The following C8orf34 variants were observed in gnomAD, a reference collection of about 807,000 sequenced individuals.
The protein encoded by C8orf34 is uncharacterized protein C8orf34.
Under a neutral mutation model 68.3 loss-of-function variants are expected in C8orf34, and 65 were observed. That is an observed-to-expected ratio of 0.95 (90% CI 0.78 to 1.17). The LOEUF is 1.17. Among genes scored for constraint, C8orf34 ranks in the 50% most tolerant of loss-of-function variants. C8orf34 has a pLI of 0.00. For missense variants in C8orf34, 664 were observed against 655.4 expected, an observed-to-expected ratio of 1.01 and a Z score of -0.14; for synonymous variants, 244 against 241.2, an observed-to-expected ratio of 1.01 and a Z score of -0.11.
intron 6 of C8orf34, chr8:68,530,664 T>C (rs1321436221): frequency 6.1e-6 from 7 of 1,150,480 alleles, no homozygotes; most frequent in Non-Finnish European, 7.7e-6. Context: ...AATAAACTTC[T>C]TCCTTCCATT....
chr8:68,463,878 G>A (rs1326520263), intron 3 of C8orf34, among the ~76,000 whole-genome samples: 1 of 152,128 alleles, frequency 6.6e-6, no homozygotes, highest in African/African-American at 2.4e-5. Flanking sequence ...TTGAAAACTG[G>A]CACAAGACAG....
intron 7 of C8orf34, chr8:68,534,644 T>C: frequency 1.0e-6 from 1 of 985,466 alleles, no homozygotes; most frequent in Non-Finnish European, 1.2e-6. Flanking sequence ...AGGTGGGGTG[T>C]GGTCATTGTA....
intron 1 of C8orf34, among the ~76,000 whole-genome samples, chr8:68,422,205 C>A (rs976669832): frequency 1.3e-5 from 2 of 152,170 alleles, no homozygotes; most frequent in South Asian, 2.1e-4. Context: ...CTTATTCCAG[C>A]ATTAACCCAA....
chr8:68,449,697 A>T (rs140653220), intron 3 of C8orf34, among the ~76,000 whole-genome samples: 345 of 152,244 alleles, frequency 2.3e-3, no homozygotes, highest in Admixed American at 0.014. Context: ...AAAATACTTT[A>T]TTGCCAAAGA....
At chr8:68,419,721 C>T (rs539742569) in intron 1 of C8orf34, among the ~76,000 whole-genome samples, 15 of 150,742 alleles carry the variant, frequency 1.0e-4, no homozygotes, top group African/African-American at 3.4e-4. Context: ...AGTAAACTAT[C>T]GCAAGAACAA....
At chr8:68,519,856 A>G (rs1420705129) in intron 5 of C8orf34, among the ~76,000 whole-genome samples, 5 of 152,192 alleles carry the variant, frequency 3.3e-5, no homozygotes, top group African/African-American at 7.2e-5. Context: ...AATAAGTAAC[A>G]TTGTAAAGTC....
chr8:68,762,700 C>T (rs555756679), intron 10 of C8orf34, among the ~76,000 whole-genome samples: 5 of 152,300 alleles, frequency 3.3e-5, no homozygotes, highest in East Asian at 3.9e-4. Flanking sequence ...GGCATACCTT[C>T]GTAAGAATAG....
At chr8:68,375,443 AC>A (rs1807751064) in intron 1 of C8orf34, among the ~76,000 whole-genome samples, 1 of 152,224 alleles carries the variant, frequency 6.6e-6, no homozygotes, top group Admixed American at 6.5e-5. Context: ...AGTCATGTAC[AC>A]CCCATTGAGA....
intron 7 of C8orf34, among the ~76,000 whole-genome samples, chr8:68,636,893 A>G (rs529074245): frequency 6.6e-6 from 1 of 152,338 alleles, no homozygotes; most frequent in South Asian, 2.1e-4. Flanking sequence ...TCAATTTAAT[A>G]TTGACCTGGT....
At chr8:68,403,433 G>A (rs7816426) in intron 1 of C8orf34, among the ~76,000 whole-genome samples, 67,904 of 151,862 alleles carry the variant, frequency 0.45, 15,467 homozygotes, top group Non-Finnish European at 0.51. Context: ...CGTGCAAAAC[G>A]TGCAGGTTTG....
At chr8:68,792,851 A>G (rs1412600470) in intron 12 of C8orf34, among the ~76,000 whole-genome samples, 1 of 151,884 alleles carries the variant, frequency 6.6e-6, no homozygotes, top group East Asian at 1.9e-4. Flanking sequence ...ATTTCAGGTT[A>G]AGTGGCATGT....
intron 6 of C8orf34, among the ~76,000 whole-genome samples, chr8:68,522,642 T>C (rs190650173): frequency 1.5e-4 from 23 of 152,330 alleles, no homozygotes; most frequent in Admixed American, 1.2e-3. Context: ...TGTCCAGATC[T>C]TATTTATTGG....
intron 8 of C8orf34, among the ~76,000 whole-genome samples, chr8:68,689,094 C>T (rs2130900771): frequency 6.6e-6 from 1 of 152,168 alleles, no homozygotes; most frequent in African/African-American, 2.4e-5. Context: ...TCTTTTGCAG[C>T]CACTCAGATG....
At chr8:68,773,994 G>A (rs779443509) in intron 10 of C8orf34, among the ~76,000 whole-genome samples, 12 of 152,040 alleles carry the variant, frequency 7.9e-5, no homozygotes, top group African/African-American at 1.7e-4. Flanking sequence ...GAAACACATC[G>A]CCCTCTTCAG....
Position 68,540,159 on chromosome 8 carries a change from A to G in C8orf34, c.1105+7010A>G, listed in dbSNP as rs538252272. On this transcript the variant is annotated intron_variant, in intron 7 of 13. Coordinates refer to ENST00000518698, the MANE Select transcript of C8orf34 (RefSeq NM_052958.4). The stretch of plus-strand genomic sequence containing the variant: ...TATTTTTTTAAATTGCTCTGAAACT[A>G]TTAAATAGAGGAGCACTAAAGAACA... Among the ~76,000 whole-genome samples the G allele has an allele frequency of 3.3e-5, 5 of 152,114 alleles. No homozygotes were observed. The East Asian group carries it at 7.7e-4, about 23-fold the overall frequency.
intron 1 of C8orf34, among the ~76,000 whole-genome samples, chr8:68,411,857 G>A (rs1187855177): frequency 6.6e-6 from 1 of 152,172 alleles, no homozygotes; most frequent in Non-Finnish European, 1.5e-5. Context: ...GCTGTTGACT[G>A]AATGTTTGTA....
intron 1 of C8orf34, among the ~76,000 whole-genome samples, chr8:68,412,318 A>T (rs963826101): frequency 2.6e-5 from 4 of 152,204 alleles, no homozygotes; most frequent in African/African-American, 4.8e-5. Context: ...GTAATGTTTT[A>T]TAATTTTTTA....
At position 68,505,653 on chromosome 8, in the gene C8orf34, CCCGGGAAG is replaced by C. The variant is rs1813981400; in HGVS notation, c.766-16144_766-16137del. On this transcript the variant is annotated intron_variant, in intron 5 of 13. Coordinates refer to ENST00000518698, the MANE Select transcript of C8orf34 (RefSeq NM_052958.4). ...GGCTGAGGCAGGAGAATGGCGTGAA[CCCGGGAAG>C]CGGAGCTTGCCGTGAGCCGAGATTG... Among the ~76,000 whole-genome samples, 2 of 106,134 alleles carry C rather than the reference CCCGGGAAG, an allele frequency of 1.9e-5. 1 individual carries two copies. The highest frequency in any genetic ancestry group is 1.3e-4 in the African/African-American group (2 of 15,146). The allele number at this position is 106,134 out of a possible 152,430, so 69.6% of individuals were successfully genotyped here. A position where few individuals can be genotyped will look rare whatever the true frequency, so the allele number is the denominator to read the frequency against.
At chr8:68,378,800 A>G (rs986179329) in intron 1 of C8orf34, among the ~76,000 whole-genome samples, 6 of 152,202 alleles carry the variant, frequency 3.9e-5, no homozygotes, top group African/African-American at 7.2e-5. Context: ...GAAACAATAC[A>G]TATATGAGAT....
Sources: allele counts gnomAD v4.1 joint callset (sites outside exome capture counted in the v4.1 genomes callset), GRCh38; gene constraint gnomAD v4.1.1; transcripts MANE v1.5; gene names NCBI Gene and HGNC (gene_info 2026-07-23, HGNC 2026-07-21).